The following PCDH9 variants were observed in gnomAD, a reference collection of about 807,000 sequenced individuals.
PCDH9 encodes the protein protocadherin 9.
PCDH9 carries 24 observed loss-of-function variants against 70.6 expected under a neutral mutation model. The ratio of observed to expected loss-of-function variants is 0.34; its 90% CI spans 0.25 to 0.48. The LOEUF is 0.48. Ranked by LOEUF, PCDH9 falls within the 20% of genes least tolerant of loss-of-function variation. PCDH9 has a pLI of 0.99. For missense variants in PCDH9, 1,281 were observed against 1,503.6 expected (o/e 0.85, Z 2.45); for synonymous variants, 562 against 558.5 (o/e 1.01, Z -0.09).
At chr13:67,200,437 T>C (rs1410514541) in intron 2 of PCDH9, among the ~76,000 whole-genome samples, 7 of 152,078 alleles carry the variant, frequency 4.6e-5, no homozygotes, top group East Asian at 1.9e-4. Context: ...ATAGGGTTTG[T>C]GCTCAACCCA....
chr13:67,172,539 G>C (rs1464096901), intron 2 of PCDH9, among the ~76,000 whole-genome samples: 3 of 152,154 alleles, frequency 2.0e-5, no homozygotes, highest in Non-Finnish European at 4.4e-5. Flanking sequence ...GAATTGAAGT[G>C]ATAACAGGGG....
intron 3 of PCDH9, among the ~76,000 whole-genome samples, chr13:66,823,985 C>T (rs2139387129): frequency 6.6e-6 from 1 of 152,048 alleles, no homozygotes; most frequent in Non-Finnish European, 1.5e-5. Context: ...TAGGAAAGTA[C>T]TATATAGATT....
chr13:66,380,336 A>T (rs1005747607), intron 4 of PCDH9, among the ~76,000 whole-genome samples: 1 of 152,214 alleles, frequency 6.6e-6, no homozygotes, highest in Non-Finnish European at 1.5e-5. Context: ...TACCAATGGC[A>T]TCTAAAGATA....
At chr13:66,818,529 A>G (rs2080648390) in intron 3 of PCDH9, among the ~76,000 whole-genome samples, 1 of 152,172 alleles carries the variant, frequency 6.6e-6, no homozygotes, top group African/African-American at 2.4e-5. Context: ...AAAAAATTAA[A>G]CTCAAGAATA....
At chr13:66,507,915 G>C (rs573699376) in intron 4 of PCDH9, among the ~76,000 whole-genome samples, 1 of 152,038 alleles carries the variant, frequency 6.6e-6, no homozygotes, top group Non-Finnish European at 1.5e-5. Context: ...TAGAGACAGG[G>C]TTTCACCGCG....
At chr13:67,049,694 A>T (rs2085287389) in intron 2 of PCDH9, among the ~76,000 whole-genome samples, 1 of 152,176 alleles carries the variant, frequency 6.6e-6, no homozygotes, top group South Asian at 2.1e-4. Context: ...TTTTCAAACA[A>T]AGGAGATATT....
chr13:66,535,407 A>G (rs1464727411), intron 4 of PCDH9, among the ~76,000 whole-genome samples: 2 of 152,036 alleles, frequency 1.3e-5, no homozygotes, highest in Non-Finnish European at 2.9e-5. Context: ...CTATAATTCC[A>G]AATATTCTTG....
chr13:67,206,876 T>C (rs2089361315), intron 2 of PCDH9: 1 of 152,230 alleles, frequency 6.6e-6, no homozygotes. Context: ...AGATCTTTTC[T>C]TATCTGATAT....
Position 67,225,727 on chromosome 13 carries a change from C to G in PCDH9, c.2714G>C (p.Ser905Thr). Residue 905 changes from serine to threonine, a missense_variant, in exon 2 of 5, where the codon AGC (serine) becomes ACC (threonine). Transcript: ENST00000377865. Reference sequence around the variant, plus strand: ...TTGCTCCTCCAGTTCAGCCGGCAGGCTTATTGTCCCATTGATAGGTTCATG... The same window carrying G: ...TTGCTCCTCCAGTTCAGCCGGCAGGGTTATTGTCCCATTGATAGGTTCATG... Reference protein sequence around the residue: ...AVHEPINGTISLPAELEEQSI... With the variant: ...AVHEPINGTITLPAELEEQSI... 1.2e-6 allele frequency: 2 copies of G among 1,614,126 alleles called. No individual in the cohort carries two copies. The highest frequency in any genetic ancestry group is 1.7e-6 in the Non-Finnish European group (2 of 1,179,990).
chr13:66,710,045 T>C (rs2078771264), intron 3 of PCDH9, among the ~76,000 whole-genome samples: 1 of 152,160 alleles, frequency 6.6e-6, no homozygotes, highest in African/African-American at 2.4e-5. Context: ...CCCAATGTCC[T>C]ATGTCAGCTA....
In PCDH9 at chr13:67,012,502, G is replaced by T. The variant is rs982025408; in HGVS notation, c.3037-108897C>A. 2.0e-5 allele frequency among the ~76,000 whole-genome samples: 3 copies of T among 152,018 alleles called. No individual in the cohort carries two copies. In the East Asian group the frequency reaches 5.8e-4, roughly 29 times the overall value. The stretch of plus-strand genomic sequence containing the variant: ...AAAAACAACAAAAACAAAATAAATG[G>T]TGGGACCTCAAGATTTTTCCTGATG... On this transcript the variant is annotated intron_variant, in intron 2 of 4. Coordinates refer to ENST00000377865, the MANE Select transcript of PCDH9 (RefSeq NM_203487.3).
intron 4 of PCDH9, among the ~76,000 whole-genome samples, chr13:66,540,234 T>A (rs1479891333): frequency 6.6e-6 from 1 of 152,158 alleles, no homozygotes; most frequent in East Asian, 1.9e-4. Context: ...TGAGCAATAA[T>A]ATATTGAATT....
chr13:66,333,038 C>G (rs1402114842), intron 4 of PCDH9, among the ~76,000 whole-genome samples: 1 of 151,948 alleles, frequency 6.6e-6, no homozygotes, highest in Non-Finnish European at 1.5e-5. Flanking sequence ...CTAAAGGTGG[C>G]ATTTACAACT....
intron 3 of PCDH9, among the ~76,000 whole-genome samples, chr13:66,799,924 C>T (rs1260671980): frequency 6.6e-6 from 1 of 152,008 alleles, no homozygotes; most frequent in Non-Finnish European, 1.5e-5. Context: ...TCCATCATAC[C>T]ATCTTGGCCC....
At chr13:66,792,267 C>A (rs2080175251) in intron 3 of PCDH9, among the ~76,000 whole-genome samples, 1 of 152,116 alleles carries the variant, frequency 6.6e-6, no homozygotes, top group African/African-American at 2.4e-5. Context: ...CAAGGACATG[C>A]CATTAAAAAT....
At chr13:66,798,962 T>C (rs550219383) in intron 3 of PCDH9, among the ~76,000 whole-genome samples, 16 of 152,070 alleles carry the variant, frequency 1.1e-4, no homozygotes, top group East Asian at 9.7e-4. Flanking sequence ...TTACAGCGCG[T>C]GCCACCAGGT....
intron 3 of PCDH9, among the ~76,000 whole-genome samples, chr13:66,754,456 T>C (rs1177969744): frequency 6.6e-6 from 1 of 151,692 alleles, no homozygotes; most frequent in Non-Finnish European, 1.5e-5. Context: ...GGGAGGTGTG[T>C]GTGTGTGTGA....
At chr13:66,691,947 T>A (rs991198499) in intron 3 of PCDH9, among the ~76,000 whole-genome samples, 1 of 152,192 alleles carries the variant, frequency 6.6e-6, no homozygotes, top group Non-Finnish European at 1.5e-5. Context: ...CTGTTACACA[T>A]GGAAAATAAA....
At chr13:66,842,505 G>A (rs9571677) in intron 3 of PCDH9, among the ~76,000 whole-genome samples, 55,639 of 151,900 alleles carry the variant, frequency 0.37, 10,845 homozygotes, top group East Asian at 0.44. Flanking sequence ...CCCAGCATGG[G>A]TCCCATTGAC....
Sources: allele counts gnomAD v4.1 joint callset (sites outside exome capture counted in the v4.1 genomes callset), GRCh38; gene constraint gnomAD v4.1.1; transcripts MANE v1.5; gene names NCBI Gene and HGNC (gene_info 2026-07-23, HGNC 2026-07-21).